The following KIF20B variants were observed in gnomAD, a reference collection of about 807,000 sequenced individuals.
KIF20B encodes the protein kinesin family member 20B, also known as kinesin-like protein KIF20B.
A neutral mutation model predicts 232.5 loss-of-function variants in KIF20B; 188 were observed. The observed-to-expected ratio is 0.81, with a 90% CI of 0.72 to 0.91. KIF20B has a LOEUF of 0.91. Ranked by LOEUF, KIF20B falls within the 40% of genes least tolerant of loss-of-function variation. The pLI is 0.00. For synonymous variants in KIF20B, 712 were observed against 683.0 expected, an observed-to-expected ratio of 1.04 and a Z score of -0.66; for missense variants, 2,154 against 2,055.9, an observed-to-expected ratio of 1.05 and a Z score of -0.92.
At chr10:89,744,440 GA>G (rs1389614370) in intron 22 of KIF20B, among the ~76,000 whole-genome samples, 1 of 152,186 alleles carries the variant, frequency 6.6e-6, no homozygotes, top group African/African-American at 2.4e-5. Context: ...GTGAAGTCTG[GA>G]GTGTAATTAA....
chr10:89,732,691 ATCT>A (rs559161013), intron 18 of KIF20B, among the ~76,000 whole-genome samples: 30 of 152,202 alleles, frequency 2.0e-4, no homozygotes, highest in Non-Finnish European at 2.9e-4. Context: ...TCAGAGATTT[ATCT>A]TCTTAAGATT....
intron 13 of KIF20B, among the ~76,000 whole-genome samples, chr10:89,722,549 G>A (rs1281757766): frequency 6.6e-6 from 1 of 152,080 alleles, no homozygotes; most frequent in Non-Finnish European, 1.5e-5. Flanking sequence ...GGCGCCTGTA[G>A]TCCCAGCTAC....
At position 89,737,906 on chromosome 10, in the gene KIF20B, C is replaced by T. The variant is rs866178785; in HGVS notation, c.3065C>T (p.Pro1022Leu). The change falls in exon 20 of 33, where the codon CCA becomes CTA. Residue 1022 changes from proline (P) to leucine (L), a missense_variant. Transcript: ENST00000371728. ...AATGGTTCTGAGGAGGATAATTTGC[C>T]AAATACACAGTTAGACCTTTTAGGT... ...LSNGSEEDNL[P>L]NTQLDLLGND... 1.2e-6 allele frequency: 2 copies of T among 1,613,254 alleles called. No individual in the cohort carries two copies. The highest frequency in any genetic ancestry group is 1.7e-4 in the Middle Eastern group (1 of 6,052).
intron 18 of KIF20B, among the ~76,000 whole-genome samples, chr10:89,730,869 A>T (rs1054419135): frequency 7.2e-5 from 11 of 152,148 alleles, no homozygotes; most frequent in Admixed American, 2.0e-4. Context: ...ATTTTTGGAA[A>T]CTTGGAAGAT....
At position 89,725,043 on chromosome 10, in the gene KIF20B, A is replaced by G. The variant is rs746346176; in HGVS notation, c.1886A>G (p.Glu629Gly). 2.2e-5 allele frequency: 35 copies of G among 1,613,658 alleles called. No individual in the cohort carries two copies. Among genetic ancestry groups the G allele is most frequent in the Non-Finnish European group, 2.7e-5 (32 of 1,179,714 alleles). The change falls in exon 15 of 33, where the codon GAG becomes GGG. Residue 629 changes from glutamate to glycine, a missense_variant. Transcript: ENST00000371728. ...DFKETLLQER[E>G]ILEENAERRL... ...AGGGAGACTCTGCTTCAAGAACGAG[A>G]GATATTAGAAGAAAATGCTGAACGT...
intron 8 of KIF20B, 81 bp from the exon 9 acceptor site, chr10:89,716,355 A>C: frequency 1.6e-6 from 1 of 635,040 alleles, no homozygotes; most frequent in Non-Finnish European, 2.7e-6. Flanking sequence ...TGTCACTAGG[A>C]AAAGACTTTC....
chr10:89,704,587 C>T (rs1233257608), intron 1 of KIF20B, among the ~76,000 whole-genome samples: 1 of 150,902 alleles, frequency 6.6e-6, no homozygotes, highest in Non-Finnish European at 1.5e-5. Flanking sequence ...GACGGAATCT[C>T]ACTCTGTCAC....
intron 19 of KIF20B, among the ~76,000 whole-genome samples, chr10:89,736,751 T>C (rs918337124): frequency 6.6e-6 from 1 of 152,130 alleles, no homozygotes; most frequent in Non-Finnish European, 1.5e-5. Flanking sequence ...CGTCAACCCA[T>C]TTGTCATCTT....
At chr10:89,711,174 T>G in intron 6 of KIF20B, 29 bp downstream of exon 6, 2 of 1,376,868 alleles carry the variant, frequency 1.5e-6, no homozygotes, top group South Asian at 3.1e-5. Flanking sequence ...ATGTAAAATA[T>G]GTATAATTCC....
In KIF20B at chr10:89,726,375, T is replaced by C. The variant is rs1843186690; in HGVS notation, c.2084T>C (p.Ile695Thr). ...NVADIKKQAEIAHLYIASLPD... is the reference protein window; with the variant it reads ...NVADIKKQAETAHLYIASLPD... ...GCTGATATTAAGAAACAGGCTGAAA[T>C]TGCTCACTTATATATTGCATCTCTT... is the stretch of plus-strand genomic sequence containing the variant. The change falls in exon 16 of 33, where the codon ATT becomes ACT. Residue 695 changes from isoleucine to threonine, a missense_variant. Coordinates refer to ENST00000371728, the MANE Select transcript of KIF20B (RefSeq NM_001284259.2). 1 of 1,565,584 alleles carries C rather than the reference T, an allele frequency of 6.4e-7. No homozygotes were observed. Among genetic ancestry groups the C allele is most frequent in the African/African-American group, 1.4e-5 (1 of 73,222 alleles).
At chr10:89,711,698 AAAG>A in intron 6 of KIF20B, among the ~76,000 whole-genome samples, 1 of 152,204 alleles carries the variant, frequency 6.6e-6, no homozygotes, top group South Asian at 2.1e-4. Context: ...TTTAAACAAA[AAAG>A]AGATCTTACT....
At chr10:89,741,283 T>TA (rs2133133805) in intron 21 of KIF20B, among the ~76,000 whole-genome samples, 1 of 152,238 alleles carries the variant, frequency 6.6e-6, no homozygotes, top group East Asian at 1.9e-4. Flanking sequence ...GCTCAGGCGG[T>TA]AATGTGAGTG....
intron 23 of KIF20B, among the ~76,000 whole-genome samples, chr10:89,751,102 A>T (rs932217405): frequency 1.3e-5 from 2 of 152,060 alleles, no homozygotes; most frequent in Non-Finnish European, 2.9e-5. Context: ...ACTTTTTTCC[A>T]TTCATCCACT....
chr10:89,707,964 A>G (rs1469985844), intron 2 of KIF20B, among the ~76,000 whole-genome samples: 3 of 152,172 alleles, frequency 2.0e-5, no homozygotes, highest in African/African-American at 7.2e-5. Context: ...GCCTGGATTG[A>G]TTTTTGAATG....
intron 19 of KIF20B, among the ~76,000 whole-genome samples, chr10:89,733,421 A>G (rs1047374526): frequency 6.6e-6 from 1 of 152,144 alleles, no homozygotes; most frequent in African/African-American, 2.4e-5. Flanking sequence ...ATTTGGAGAA[A>G]AGGATATTTT....
rs114187481 is a variant in KIF20B at position 89,728,283 on chromosome 10, T to G, written c.2271+387T>G. On this transcript the variant is annotated intron_variant, in intron 17 of 32. Transcript: ENST00000371728. ...GTAGACACTAGTTGTACCAATTACC[T>G]TAAGCTATATAAATAGAAAATAAAA... Among the ~76,000 whole-genome samples, 458 of 152,282 alleles carry G rather than the reference T, an allele frequency of 3.0e-3. 3 individuals are homozygous for G. The highest frequency in any genetic ancestry group is 0.01 in the African/African-American group (428 of 41,570).
At chr10:89,773,725 C>T (rs923400880) in intron 32 of KIF20B, among the ~76,000 whole-genome samples, 1 of 151,902 alleles carries the variant, frequency 6.6e-6, no homozygotes, top group Non-Finnish European at 1.5e-5. Context: ...GTTATATCTG[C>T]CTTGAATTCA....
Position 89,743,870 on chromosome 10 carries a change from G to A in KIF20B, c.3978G>A (p.Lys1326=), listed in dbSNP as rs1346809088. ...TTAAAATTAATGAACTGGAGAAAAA[G>A]AAAAACCAGTGTTCTCAGGAATTAG... ...LRIKINELEK[K]KNQCSQELDM... The change falls in exon 22 of 33, where the codon AAG becomes AAA. Residue 1326 remains lysine, a synonymous_variant. Coordinates refer to ENST00000371728, the MANE Select transcript of KIF20B (RefSeq NM_001284259.2). 1.4e-5 allele frequency: 23 copies of A among 1,587,794 alleles called. No individual in the cohort carries two copies. The highest frequency in any genetic ancestry group is 2.0e-5 in the Non-Finnish European group (23 of 1,166,966).
intron 21 of KIF20B, among the ~76,000 whole-genome samples, chr10:89,742,273 G>A (rs1271893635): frequency 6.6e-6 from 1 of 152,128 alleles, no homozygotes; most frequent in Non-Finnish European, 1.5e-5. Flanking sequence ...TTCGATTGAT[G>A]GTGTCTGGGT....
Sources: gnomAD v4.1 joint callset for allele counts (sites outside exome capture counted in the v4.1 genomes callset) on GRCh38, gnomAD v4.1.1 for gene constraint, MANE v1.5 for transcripts, NCBI Gene and HGNC (gene_info 2026-07-23, HGNC 2026-07-21) for gene names.